The following TRPM3 variants were observed in gnomAD, a reference collection of about 807,000 sequenced individuals.
TRPM3 encodes the protein long transient receptor potential channel 3.
TRPM3 carries 77 observed loss-of-function variants against 181.2 expected under a neutral mutation model. The observed-to-expected ratio is 0.42, with a 90% CI of 0.35 to 0.51. The LOEUF is 0.51. Ranked by LOEUF, TRPM3 falls within the 20% of genes least tolerant of loss-of-function variation. The pLI, the probability that TRPM3 is intolerant of heterozygous loss-of-function variation, is 0.01. For synonymous variants in TRPM3, 745 were observed against 796.4 expected (o/e 0.94, Z 1.09); for missense variants, 1,759 against 2,196.7 (o/e 0.80, Z 3.98).
At chr9:71,150,918 A>G (rs1317093166) in intron 1 of TRPM3, among the ~76,000 whole-genome samples, 2 of 152,188 alleles carry the variant, frequency 1.3e-5, no homozygotes, top group Non-Finnish European at 2.9e-5. Context: ...CAGTCTAGAC[A>G]AAAATCCAGA....
intron 9 of TRPM3, among the ~76,000 whole-genome samples, chr9:70,653,477 T>G (rs2059854320): frequency 6.6e-6 from 1 of 151,994 alleles, no homozygotes; most frequent in African/African-American, 2.4e-5. Flanking sequence ...TGGTTTTTTT[T>G]TGGTTGTTTC....
At chr9:71,080,032 T>C (rs1357339115) in intron 1 of TRPM3, among the ~76,000 whole-genome samples, 2 of 152,050 alleles carry the variant, frequency 1.3e-5, no homozygotes, top group Non-Finnish European at 2.9e-5. Flanking sequence ...TAGCTGGGCA[T>C]GTTGGCGGAT....
chr9:71,180,050 C>CTTTTTTTT lies in TRPM3; in HGVS notation c.183+266595_183+266602dup, dbSNP rs35877663. Among the ~76,000 whole-genome samples the CTTTTTTTT allele has an allele frequency of 5.7e-3, 573 of 101,118 alleles. 20 individuals are homozygous for CTTTTTTTT. Among genetic ancestry groups the CTTTTTTTT allele is most frequent in the East Asian group, 0.014 (40 of 2,960 alleles). The allele number at this position is 101,118 out of a possible 152,430, so 66.3% of individuals were successfully genotyped here. On this transcript the variant is annotated intron_variant, in intron 1 of 24. Transcript: ENST00000357533. ...GGGGAGAACCTTATCATACATCCTT[C>CTTTTTTTT]TTTTTTTTTTTTTTTTTTTTTGAGA...
At chr9:70,700,477 G>A (rs1018363696) in intron 8 of TRPM3, among the ~76,000 whole-genome samples, 1 of 152,194 alleles carries the variant, frequency 6.6e-6, no homozygotes, top group African/African-American at 2.4e-5. Context: ...CAGAATTAGA[G>A]TCTCTACTGC....
intron 1 of TRPM3, among the ~76,000 whole-genome samples, chr9:71,406,324 G>A (rs1364230915): frequency 6.6e-6 from 1 of 152,098 alleles, no homozygotes; most frequent in East Asian, 1.9e-4. Flanking sequence ...ATACTCTATA[G>A]AAAAATAAAC....
In TRPM3 at chr9:71,066,626, C is replaced by T. The variant is rs1209975778; in HGVS notation, c.177+54552G>A. 2.0e-5 allele frequency among the ~76,000 whole-genome samples: 3 copies of T among 152,136 alleles called. No individual in the cohort carries two copies. In the South Asian group the frequency reaches 6.2e-4, roughly 31 times the overall value. The stretch of plus-strand genomic sequence containing the variant: ...CAGAGTGGGGTCACATTTCATGTTG[C>T]TGTATAATTAACAACTCTGAGTTTT... On this transcript the variant is annotated intron_variant, in intron 1 of 25. Coordinates refer to ENST00000677713, the MANE Select transcript of TRPM3 (RefSeq NM_001366145.2).
intron 1 of TRPM3, among the ~76,000 whole-genome samples, chr9:71,309,225 T>C (rs2087682007): frequency 6.6e-6 from 1 of 152,200 alleles, no homozygotes; most frequent in South Asian, 2.1e-4. Flanking sequence ...TTAATAGCTG[T>C]AACGTTTAGG....
At chr9:71,225,052 A>G (rs994892484) in intron 1 of TRPM3, among the ~76,000 whole-genome samples, 4 of 152,166 alleles carry the variant, frequency 2.6e-5, no homozygotes, top group Admixed American at 2.0e-4. Flanking sequence ...TAAAGGGATA[A>G]CAACAGAGAA....
intron 1 of TRPM3, among the ~76,000 whole-genome samples, chr9:71,267,532 G>A (rs2083471178): frequency 6.6e-6 from 1 of 151,592 alleles, no homozygotes; most frequent in Non-Finnish European, 1.5e-5. Flanking sequence ...AGGCCACAAA[G>A]ATTTGGAAGG....
intron 1 of TRPM3, among the ~76,000 whole-genome samples, chr9:71,194,553 A>G (rs1368179160): frequency 6.6e-6 from 1 of 151,910 alleles, no homozygotes; most frequent in Non-Finnish European, 1.5e-5. Context: ...AAACTAGAAG[A>G]TGGAAAGACA....
At chr9:71,132,900 T>G (rs2074461454) in intron 1 of TRPM3, among the ~76,000 whole-genome samples, 1 of 152,164 alleles carries the variant, frequency 6.6e-6, no homozygotes, top group Non-Finnish European at 1.5e-5. Flanking sequence ...TGGAAGATAA[T>G]CAGCTCACTT....
In TRPM3 at chr9:71,175,213, G is replaced by A. The variant is rs187730155; in HGVS notation, c.183+271440C>T. Among the ~76,000 whole-genome samples the A allele has an allele frequency of 6.6e-5, 10 of 152,318 alleles. No individual in the cohort carries two copies. The East Asian group carries it at 1.7e-3, about 26-fold the overall frequency. On this transcript the variant is annotated intron_variant, in intron 1 of 24. Transcript: ENST00000357533. ...AATCATGTGTGGCCTCTGTGAGAGG[G>A]AGCTTATGGTTGCATGAAAGAGAAG...
intron 1 of TRPM3, among the ~76,000 whole-genome samples, chr9:71,432,681 T>C (rs551076819): frequency 3.8e-4 from 58 of 152,316 alleles, no homozygotes; most frequent in Non-Finnish European, 7.4e-5. Flanking sequence ...ATTTAGAACA[T>C]GGAAAACAAT....
At chr9:70,808,514 C>T (rs993875675) in intron 6 of TRPM3, among the ~76,000 whole-genome samples, 3 of 152,162 alleles carry the variant, frequency 2.0e-5, no homozygotes, top group African/African-American at 7.2e-5. Context: ...GCTCTGTTCC[C>T]TCAAAGTTAT....
At chr9:71,035,617 T>G (rs2058082771) in intron 1 of TRPM3, among the ~76,000 whole-genome samples, 1 of 152,108 alleles carries the variant, frequency 6.6e-6, no homozygotes, top group South Asian at 2.1e-4. Flanking sequence ...CTCAGGAGGC[T>G]GAGGCATGAG....
In TRPM3 at chr9:71,423,894, T is replaced by C. The variant is rs527261798; in HGVS notation, c.183+22759A>G. On this transcript the variant is annotated intron_variant, in intron 1 of 24. Coordinates refer to the TRPM3 transcript ENST00000357533. ...ATTACAAACTCTACCAACTAACCTATTTTTTTCATCTGCTTTTCTTCCAAA... is the reference window on the plus strand; with the variant it reads ...ATTACAAACTCTACCAACTAACCTACTTTTTTCATCTGCTTTTCTTCCAAA... Among the ~76,000 whole-genome samples, 3 of 152,144 alleles carry C rather than the reference T, an allele frequency of 2.0e-5. No individual in the cohort carries two copies. The South Asian group carries it at 6.2e-4, about 32-fold the overall frequency.
chr9:71,261,769 A>T (rs946629652), intron 1 of TRPM3, among the ~76,000 whole-genome samples: 1 of 152,146 alleles, frequency 6.6e-6, no homozygotes, highest in African/African-American at 2.4e-5. Context: ...CCTTTTCTGC[A>T]GGTCTGCTGG....
chr9:70,778,936 A>G (rs1282928237), intron 7 of TRPM3, among the ~76,000 whole-genome samples: 5 of 152,240 alleles, frequency 3.3e-5, no homozygotes, highest in African/African-American at 1.2e-4. Context: ...ACCTTTGGTC[A>G]TTTTGATGTA....
At chr9:71,000,702 C>T (rs115870437) in intron 1 of TRPM3, among the ~76,000 whole-genome samples, 241 of 152,274 alleles carry the variant, frequency 1.6e-3, no homozygotes, top group African/African-American at 5.5e-3. Flanking sequence ...TTAACCAAGA[C>T]CCTTCACATA....
Sources: gnomAD v4.1 joint callset for allele counts (sites outside exome capture counted in the v4.1 genomes callset) on GRCh38, gnomAD v4.1.1 for gene constraint, MANE v1.5 for transcripts, NCBI Gene and HGNC (gene_info 2026-07-23, HGNC 2026-07-21) for gene names.